Variants in SLC35F4 observed in about 807,000 individuals in gnomAD.
SLC35F4 encodes solute carrier family 35 member F4, also known as chromosome 14 open reading frame 36.
A neutral mutation model predicts 44.2 loss-of-function variants in SLC35F4; 24 were observed. The observed-to-expected ratio is 0.54, with a 90% CI of 0.39 to 0.76. The LOEUF is 0.76. Ranked by LOEUF, SLC35F4 falls within the 30% of genes least tolerant of loss-of-function variation. The probability of loss-of-function intolerance (pLI) is 0.00; values close to 1 mark genes in which losing one functional copy is unlikely to be tolerated. For missense variants in SLC35F4, 562 were observed against 586.1 expected (o/e 0.96, Z 0.42); for synonymous variants, 238 against 223.6 (o/e 1.06, Z -0.57).
chr14:57,565,720 G>A (rs751220651), intron 7 of SLC35F4, among the ~76,000 whole-genome samples: 6 of 149,316 alleles, frequency 4.0e-5, no homozygotes, highest in Admixed American at 6.7e-5. Flanking sequence ...GTTGTTTCAT[G>A]TAGGTTGGCC....
At chr14:57,890,157 C>CCTT (rs34121754) in intron 1 of SLC35F4, among the ~76,000 whole-genome samples, 40,684 of 151,934 alleles carry the variant, frequency 0.27, 5,941 homozygotes, top group African/African-American at 0.39. Context: ...GCATTGCTGT[C>CCTT]CTTCATGAGA....
chr14:57,723,531 T>A (rs1471167209), intron 1 of SLC35F4, among the ~76,000 whole-genome samples: 2 of 152,342 alleles, frequency 1.3e-5, no homozygotes, highest in East Asian at 3.9e-4. Flanking sequence ...CTTAACCAAG[T>A]GGTGACTCCA....
At chr14:57,972,557 C>T (rs187899765), downstream of SLC35F4, among the ~76,000 whole-genome samples, 538 of 151,508 alleles carry the variant, frequency 3.6e-3, 2 homozygotes, top group Admixed American at 9.3e-3. Context: ...AAAAAAAAAA[C>T]CTTAACATTT....
At chr14:57,606,751 C>A (rs1595028837) in intron 1 of SLC35F4, among the ~76,000 whole-genome samples, 1 of 152,202 alleles carries the variant, frequency 6.6e-6, no homozygotes, top group African/African-American at 2.4e-5. Flanking sequence ...CCCTGGTACG[C>A]TCTCCTGGAA....
chr14:57,595,945 T>C (rs949697865), intron 1 of SLC35F4: 2 of 152,242 alleles, frequency 1.3e-5, no homozygotes, highest in South Asian at 2.1e-4. Flanking sequence ...GGACAGTTAA[T>C]GAGTACAAAC....
chr14:57,622,874 G>A (rs2072266358), intron 1 of SLC35F4, among the ~76,000 whole-genome samples: 1 of 151,814 alleles, frequency 6.6e-6, no homozygotes, highest in South Asian at 2.1e-4. Flanking sequence ...AAATTGTAAA[G>A]ACTATTGACA....
chr14:57,957,144 A>T (rs1481300942), intron 1 of SLC35F4, among the ~76,000 whole-genome samples: 1 of 152,258 alleles, frequency 6.6e-6, no homozygotes, highest in Non-Finnish European at 1.5e-5. Context: ...TTGCAGGAAC[A>T]TGGATAAAGC....
chr14:57,843,065 G>A (rs942964085), intron 1 of SLC35F4, among the ~76,000 whole-genome samples: 3 of 152,096 alleles, frequency 2.0e-5, no homozygotes, highest in Non-Finnish European at 2.9e-5. Context: ...AGGGGCTATC[G>A]AACCTTTAGC....
chr14:57,674,703 A>G (rs183381972), intron 1 of SLC35F4, among the ~76,000 whole-genome samples: 19 of 152,222 alleles, frequency 1.2e-4, no homozygotes, highest in African/African-American at 3.4e-4. Context: ...GGTAAAAGAC[A>G]TAAGACTCCT....
At chr14:57,960,826 G>A (rs916348712) in intron 1 of SLC35F4, among the ~76,000 whole-genome samples, 4 of 152,136 alleles carry the variant, frequency 2.6e-5, no homozygotes, top group African/African-American at 9.7e-5. Context: ...CTACCAAGGA[G>A]GTGGCCCAGG....
intron 1 of SLC35F4, among the ~76,000 whole-genome samples, chr14:57,914,494 C>A (rs557657628): frequency 6.6e-6 from 1 of 151,262 alleles, no homozygotes; most frequent in Non-Finnish European, 1.5e-5. Flanking sequence ...ACCCAGGAGA[C>A]GGAGTTTGCA....
At chr14:57,692,577 A>C (rs2075267516) in intron 1 of SLC35F4, among the ~76,000 whole-genome samples, 2 of 151,740 alleles carry the variant, frequency 1.3e-5, no homozygotes, top group Admixed American at 1.3e-4. Context: ...ATTCCCTGGC[A>C]CTCTCCTGTG....
At chr14:57,955,730 C>T (rs546688611) in intron 1 of SLC35F4, among the ~76,000 whole-genome samples, 1 of 152,280 alleles carries the variant, frequency 6.6e-6, no homozygotes, top group South Asian at 2.1e-4. Flanking sequence ...ATACAACTTA[C>T]AACGGATGTG....
chr14:57,803,006 A>AAAAAAAAAG (rs74994950), intron 1 of SLC35F4, among the ~76,000 whole-genome samples: 2 of 136,250 alleles, frequency 1.5e-5, no homozygotes, highest in African/African-American at 3.1e-5. Flanking sequence ...AAAAAAAAAA[A>AAAAAAAAAG]GAAATTGCAG....
chr14:57,923,314 A>G (rs1889479286), intron 1 of SLC35F4, among the ~76,000 whole-genome samples: 1 of 152,242 alleles, frequency 6.6e-6, no homozygotes, highest in Admixed American at 6.5e-5. Context: ...AGTTCAGCCT[A>G]ATCATTCATT....
intron 1 of SLC35F4, among the ~76,000 whole-genome samples, chr14:57,754,098 C>CTTTTTTTTTTTTTTTTTTTT (rs1200175550): frequency 9.1e-6 from 1 of 110,444 alleles, no homozygotes; most frequent in African/African-American, 3.7e-5. Flanking sequence ...TAACCCAATG[C>CTTTTTTTTTTTTTTTTTTTT]TTTTTTTTTT....
chr14:57,623,949 T>C (rs1594621345), intron 1 of SLC35F4, among the ~76,000 whole-genome samples: 2 of 151,890 alleles, frequency 1.3e-5, no homozygotes, highest in East Asian at 3.9e-4. Context: ...ATAACTAAGA[T>C]TAGAGCAGAA....
At chr14:57,970,436 G>C (rs12586963) in intron 1 of SLC35F4, among the ~76,000 whole-genome samples, 1 of 152,058 alleles carries the variant, frequency 6.6e-6, no homozygotes, top group African/African-American at 2.4e-5. Flanking sequence ...TGCCCTGTCA[G>C]CTCAGAAAGC....
chr14:57,900,052 T>C (rs1461789435), intron 1 of SLC35F4, among the ~76,000 whole-genome samples: 1 of 152,190 alleles, frequency 6.6e-6, no homozygotes, highest in African/African-American at 2.4e-5. Flanking sequence ...CTCCCTGCGA[T>C]TGGCTACTTT....
Sources: gnomAD v4.1 joint callset for allele counts (sites outside exome capture counted in the v4.1 genomes callset) on GRCh38, gnomAD v4.1.1 for gene constraint, MANE v1.5 for transcripts, NCBI Gene and HGNC (gene_info 2026-07-23, HGNC 2026-07-21) for gene names.